The following TBC1D22A variants were observed in gnomAD, a reference collection of about 807,000 sequenced individuals.
TBC1D22A encodes TBC1 domain family member 22A.
TBC1D22A carries 38 observed loss-of-function variants against 60.2 expected under a neutral mutation model. The observed-to-expected ratio is 0.63, with a 90% confidence interval of 0.49 to 0.83. The LOEUF (loss-of-function observed/expected upper bound fraction) is 0.83, where lower values mean the gene tolerates loss of function less well. Among genes scored for constraint, TBC1D22A ranks in the 40% least tolerant of loss-of-function variants. The probability of loss-of-function intolerance (pLI) is 0.00; values close to 1 mark genes in which losing one functional copy is unlikely to be tolerated. For synonymous variants in TBC1D22A, 302 were observed against 281.7 expected, an observed-to-expected ratio of 1.07 and a Z score of -0.72; for missense variants, 628 against 701.0, an observed-to-expected ratio of 0.90 and a Z score of 1.18.
intron 1 of TBC1D22A, among the ~76,000 whole-genome samples, chr22:46,786,947 A>G (rs2084183335): frequency 6.6e-6 from 1 of 152,142 alleles, no homozygotes; most frequent in Non-Finnish European, 1.5e-5. Flanking sequence ...TTGGCTTCCC[A>G]AAGTGCTTGA....
chr22:47,173,844 GGAGGGCCCCGGGTTCGGCGGCCA>G lies in TBC1D22A; in HGVS notation c.*223_*245del. ...TTCTGAGATACCAAAGAGAGCCAGG[GGAGGGCCCCGGGTTCGGCGGCCA>G]GAGGCAGGTCAGGGGTCCCCTCTCC... On this transcript the variant is annotated 3_prime_UTR_variant, in exon 13 of 13. Transcript: ENST00000337137. 1 of 713,266 alleles carries G rather than the reference GGAGGGCCCCGGGTTCGGCGGCCA, an allele frequency of 1.4e-6. No homozygotes were observed. Among genetic ancestry groups the G allele is most frequent in the South Asian group, 2.0e-5 (1 of 49,668 alleles). 44.2% of individuals were successfully genotyped at this position (713,266 alleles called of 1,614,324 possible). A position where few individuals can be genotyped will look rare whatever the true frequency, so the allele number is the denominator to read the frequency against.
intron 1 of TBC1D22A, among the ~76,000 whole-genome samples, chr22:46,779,975 T>C (rs73475017): frequency 0.015 from 2,220 of 152,324 alleles, 60 homozygotes; most frequent in African/African-American, 0.051. Context: ...GATTATGCTG[T>C]GGACGGAGGG....
At chr22:46,850,393 T>G (rs1261588070) in intron 4 of TBC1D22A, among the ~76,000 whole-genome samples, 3 of 152,218 alleles carry the variant, frequency 2.0e-5, no homozygotes, top group Non-Finnish European at 4.4e-5. Context: ...TATGCAGAAC[T>G]CTTTTGGGAA....
In TBC1D22A at chr22:46,894,810, C is replaced by T; in HGVS notation, c.864C>T (p.Ser288=). The change falls in exon 7 of 13, where the codon AGC becomes AGT. Residue 288 remains serine (S), a synonymous_variant. Transcript: ENST00000337137. ...RQIHIDIPRM[S]PEALILQPKV... ...TCCACATAGACATCCCTCGCATGAG[C>T]CCTGAAGCGTTGATCCTGCAGCCCA... 1.2e-6 allele frequency: 2 copies of T among 1,614,236 alleles called. No individual in the cohort carries two copies. Among genetic ancestry groups the T allele is most frequent in the Non-Finnish European group, 8.5e-7 (1 of 1,180,042 alleles).
chr22:46,852,163 A>T (rs1265376164), intron 4 of TBC1D22A, among the ~76,000 whole-genome samples: 1 of 152,214 alleles, frequency 6.6e-6, no homozygotes, highest in African/African-American at 2.4e-5. Context: ...CGTGGGCATC[A>T]CAGTGGCCTT....
intron 3 of TBC1D22A, 96 bp from the exon 4 acceptor site, chr22:46,797,348 C>T: frequency 7.3e-7 from 1 of 1,370,852 alleles, no homozygotes; most frequent in East Asian, 2.4e-5. Flanking sequence ...AAGAAGGGAC[C>T]CATCAGCATT....
chr22:47,159,800 A>C (rs917089551), intron 12 of TBC1D22A, among the ~76,000 whole-genome samples: 1 of 151,444 alleles, frequency 6.6e-6, no homozygotes. Context: ...CACATGCACC[A>C]CATACACCCA....
At chr22:46,885,091 C>T (rs1360079175) in intron 5 of TBC1D22A, among the ~76,000 whole-genome samples, 2 of 152,192 alleles carry the variant, frequency 1.3e-5, no homozygotes, top group South Asian at 2.1e-4. Context: ...GGTCTTTGTC[C>T]ACCCACTGAT....
chr22:46,816,281 CA>C (rs925925419), intron 4 of TBC1D22A, among the ~76,000 whole-genome samples: 19 of 152,196 alleles, frequency 1.2e-4, no homozygotes, highest in Non-Finnish European at 2.1e-4. Flanking sequence ...GAGGGTATCA[CA>C]GGGGCGGGAT....
intron 4 of TBC1D22A, among the ~76,000 whole-genome samples, chr22:46,862,963 C>G (rs1157305260): frequency 6.6e-6 from 1 of 152,188 alleles, no homozygotes. Context: ...TAGAGTGTCT[C>G]TGGTCCGTGG....
chr22:46,861,028 T>C (rs1290529914), intron 4 of TBC1D22A, among the ~76,000 whole-genome samples: 1 of 152,196 alleles, frequency 6.6e-6, no homozygotes, highest in Admixed American at 6.5e-5. Context: ...CTGGTCAATC[T>C]TGGCTCACTG....
intron 4 of TBC1D22A, among the ~76,000 whole-genome samples, chr22:46,807,708 G>T (rs1228489178): frequency 2.0e-5 from 3 of 152,242 alleles, no homozygotes; most frequent in African/African-American, 7.2e-5. Context: ...CCTAAGGTCA[G>T]ATGCCAGCCA....
At chr22:47,089,546 G>A (rs899634797) in intron 11 of TBC1D22A, among the ~76,000 whole-genome samples, 38 of 152,218 alleles carry the variant, frequency 2.5e-4, no homozygotes, top group African/African-American at 9.2e-4. Flanking sequence ...GCACAAAGGC[G>A]GAAAGCCTGG....
chr22:47,018,487 G>A (rs1291515175), intron 10 of TBC1D22A, among the ~76,000 whole-genome samples: 2 of 152,072 alleles, frequency 1.3e-5, no homozygotes, highest in Admixed American at 1.3e-4. Context: ...CCTGCCGTTC[G>A]GCTCGGCTGT....
chr22:47,157,144 G>T (rs772160534), intron 12 of TBC1D22A, among the ~76,000 whole-genome samples: 5 of 152,238 alleles, frequency 3.3e-5, no homozygotes, highest in Non-Finnish European at 5.9e-5. Flanking sequence ...TCCTTGCAGT[G>T]CTCCTGTGTT....
At chr22:46,833,165 T>C (rs1416167508) in intron 4 of TBC1D22A, among the ~76,000 whole-genome samples, 1 of 152,202 alleles carries the variant, frequency 6.6e-6, no homozygotes, top group Non-Finnish European at 1.5e-5. Context: ...TCTATTTAAG[T>C]CTTAATTTTA....
chr22:47,168,910 G>T (rs767776992), intron 12 of TBC1D22A, among the ~76,000 whole-genome samples: 18 of 152,200 alleles, frequency 1.2e-4, no homozygotes, highest in Non-Finnish European at 2.5e-4. Context: ...CTTCAGCATC[G>T]GAAGCCTCAC....
chr22:46,940,308 G>T (rs1263440021), intron 8 of TBC1D22A, among the ~76,000 whole-genome samples: 2 of 152,094 alleles, frequency 1.3e-5, no homozygotes, highest in Non-Finnish European at 2.9e-5. Context: ...AAGCACAATA[G>T]AGCAAAGCAC....
chr22:47,076,361 G>GTATATATATATATATATATA (rs769322904), intron 11 of TBC1D22A, among the ~76,000 whole-genome samples: 98 of 101,428 alleles, frequency 9.7e-4, no homozygotes, highest in East Asian at 3.3e-3. Context: ...ATATGTGTGT[G>GTATATATATATATATATATA]TATATATATA....
Sources: gnomAD v4.1 joint callset for allele counts (sites outside exome capture counted in the v4.1 genomes callset) on GRCh38, gnomAD v4.1.1 for gene constraint, MANE v1.5 for transcripts, NCBI Gene and HGNC (gene_info 2026-07-23, HGNC 2026-07-21) for gene names.